Variants in DUSP28 observed in about 807,000 individuals in gnomAD.
DUSP28 encodes the protein dual specificity phosphatase 28.
A neutral mutation model predicts 8.4 loss-of-function variants in DUSP28; 11 were observed. The observed-to-expected ratio is 1.31, with a 90% confidence interval of 0.83 to 2.17. The LOEUF is 2.17. Ranked by LOEUF, DUSP28 falls within the 30% of genes most tolerant of loss-of-function variation. The probability of loss-of-function intolerance (pLI) is 0.00; values close to 1 mark genes in which losing one functional copy is unlikely to be tolerated. For synonymous variants in DUSP28, 178 were observed against 130.9 expected (o/e 1.36, Z -2.46); for missense variants, 373 against 270.4 (o/e 1.38, Z -2.66).
At position 240,560,789 on chromosome 2, in the gene DUSP28, C is replaced by A; in HGVS notation, c.105C>A (p.Gly35=). ...TCCTCGGGAGCGCGCGAGCCGCGGG[C>A]GCGGAGGAGCAGCTGGCGCGCGCGG... ...SLFLGSARAA[G]AEEQLARAGV... Residue 35 remains glycine (G), a synonymous_variant, in exon 1 of 2, where the codon GGC becomes GGA. Transcript: ENST00000405954. The A allele has an allele frequency of 6.9e-7, 1 of 1,454,394 alleles. No individual in the cohort carries two copies. The allele number at this position is 1,454,394 out of a possible 1,614,324, so 90.1% of individuals were successfully genotyped here.
chr2:240,560,465 C>G lies in DUSP28; in HGVS notation c.-220C>G. 1.5e-6 allele frequency: 1 copy of G among 657,630 alleles called. No individual in the cohort carries two copies. Among genetic ancestry groups the G allele is most frequent in the Middle Eastern group, 4.8e-4 (1 of 2,086 alleles). 40.7% of individuals were successfully genotyped at this position (657,630 alleles called of 1,614,324 possible). ...AAGGCCCCGGCGCCCTGGTGAGGCC[C>G]AAACCTCCCGCCATGCCCCGGCCCC... On this transcript the variant is annotated 5_prime_UTR_variant, in exon 1 of 2. Coordinates refer to ENST00000405954, the MANE Select transcript of DUSP28 (RefSeq NM_001370465.2).
At position 240,560,885 on chromosome 2, in the gene DUSP28, C is replaced by T. The variant is rs2092924524; in HGVS notation, c.201C>T (p.Arg67=). 1.3e-6 allele frequency: 2 copies of T among 1,508,672 alleles called. No individual in the cohort carries two copies. Among genetic ancestry groups the T allele is most frequent in the African/African-American group, 1.4e-5 (1 of 69,214 alleles). The allele number at this position is 1,508,672 out of a possible 1,614,324, so 93.5% of individuals were successfully genotyped here. The change falls in exon 1 of 2, where the codon CGC becomes CGT. Residue 67 remains arginine (R), a synonymous_variant. Coordinates refer to ENST00000405954, the MANE Select transcript of DUSP28 (RefSeq NM_001370465.2). ...GPRAPGVAEL[R]VPVFDDPAED... The stretch of plus-strand genomic sequence containing the variant: ...GCGCGCCCGGCGTGGCAGAGCTGCG[C>T]GTGCCCGTGTTCGACGACCCGGCTG...
At chr2:240,561,221 G>A in intron 1 of DUSP28, 109 bp from the exon 2 acceptor site, 1 of 1,579,150 alleles carries the variant, frequency 6.3e-7, no homozygotes, top group Non-Finnish European at 8.6e-7. Flanking sequence ...TAGGGAAGCA[G>A]AGAGGCACTT....
In DUSP28 at chr2:240,563,626, C is replaced by CT. The variant is rs1171500266; in HGVS notation, c.*2160dup. ...AAATGACGATCAGGTGCTTCACGGT[C>CT]TATTTTTCCAGATAGGCCTAACAGC... On this transcript the variant is annotated 3_prime_UTR_variant, in exon 2 of 2. Coordinates refer to ENST00000405954, the MANE Select transcript of DUSP28 (RefSeq NM_001370465.2). 6.5e-6 allele frequency: 1 copy of CT among 152,754 alleles called. No individual in the cohort carries two copies. Among genetic ancestry groups the CT allele is most frequent in the African/African-American group, 2.4e-5 (1 of 41,458 alleles). The allele number at this position is 152,754 out of a possible 1,614,324, so 9.5% of individuals were successfully genotyped here. A position where few individuals can be genotyped will look rare whatever the true frequency, so the allele number is the denominator to read the frequency against.
In DUSP28 at chr2:240,560,980, G is replaced by T. The variant is rs763623217; in HGVS notation, c.296G>T (p.Cys99Phe). Residue 99 changes from cysteine (C) to phenylalanine (F), a missense_variant, in exon 1 of 2, where the codon TGC becomes TTC. Physicochemically the swap from Cys to Phe is radical, Grantham distance 205. Coordinates refer to ENST00000405954, the MANE Select transcript of DUSP28 (RefSeq NM_001370465.2). ...MEAAVRAGGA[C>F]LVYCKNGRSR... Reference sequence around the variant, plus strand: ...GCCGCGGTGCGCGCCGGCGGCGCCTGCCTAGTCTACTGCAAGAACGGCCGC... The same window carrying T: ...GCCGCGGTGCGCGCCGGCGGCGCCTTCCTAGTCTACTGCAAGAACGGCCGC... The T allele has an allele frequency of 6.5e-7, 1 of 1,540,250 alleles. No individual in the cohort carries two copies. Among genetic ancestry groups the T allele is most frequent in the Non-Finnish European group, 8.6e-7 (1 of 1,156,106 alleles).
In DUSP28 at chr2:240,561,640, A is replaced by G. The variant is rs1473805649; in HGVS notation, c.*173A>G. ...AGGTGATGCACAAATTATCTTACAGACACAAAAAGAAATACATTTGGTAAA... is the reference window on the plus strand; with the variant it reads ...AGGTGATGCACAAATTATCTTACAGGCACAAAAAGAAATACATTTGGTAAA... On this transcript the variant is annotated 3_prime_UTR_variant, in exon 2 of 2. Coordinates refer to ENST00000405954, the MANE Select transcript of DUSP28 (RefSeq NM_001370465.2). 1.1e-6 allele frequency: 1 copy of G among 895,098 alleles called. No individual in the cohort carries two copies. The highest frequency in any genetic ancestry group is 1.7e-5 in the African/African-American group (1 of 58,646). The allele number at this position is 895,098 out of a possible 1,614,324, so 55.4% of individuals were successfully genotyped here. A position where few individuals can be genotyped will look rare whatever the true frequency, so the allele number is the denominator to read the frequency against.
At position 240,563,450 on chromosome 2, in the gene DUSP28, C is replaced by T. The variant is rs943907423; in HGVS notation, c.*1983C>T. Reference sequence around the variant, plus strand: ...ATCTCCTGACCTCATGATCCTCCCGCCTCGGCCTCCCAAAGCGCTGGGATT... The same window carrying T: ...ATCTCCTGACCTCATGATCCTCCCGTCTCGGCCTCCCAAAGCGCTGGGATT... On this transcript the variant is annotated 3_prime_UTR_variant, in exon 2 of 2. Coordinates refer to ENST00000405954, the MANE Select transcript of DUSP28 (RefSeq NM_001370465.2). 5.2e-5 allele frequency: 8 copies of T among 152,514 alleles called. No homozygotes were observed. Among genetic ancestry groups the T allele is most frequent in the Admixed American group, 2.6e-4 (4 of 15,310 alleles). 9.4% of individuals were successfully genotyped at this position (152,514 alleles called of 1,614,324 possible).
At position 240,560,851 on chromosome 2, in the gene DUSP28, C is replaced by T; in HGVS notation, c.167C>T (p.Pro56Leu). The change falls in exon 1 of 2, where the codon CCC becomes CTC. Residue 56 changes from proline (P) to leucine (L), a missense_variant. Transcript: ENST00000405954. ...TLCVNVSRQQPGPRAPGVAEL... is the reference protein window; with the variant it reads ...TLCVNVSRQQLGPRAPGVAEL... Reference sequence around the variant, plus strand: ...TGCGTCAACGTCTCCCGCCAGCAGCCCGGCCCGCGCGCGCCCGGCGTGGCA... The same window carrying T: ...TGCGTCAACGTCTCCCGCCAGCAGCTCGGCCCGCGCGCGCCCGGCGTGGCA... 7.2e-7 allele frequency: 1 copy of T among 1,391,762 alleles called. No individual in the cohort carries two copies. The highest frequency in any genetic ancestry group is 9.2e-7 in the Non-Finnish European group (1 of 1,083,152). The allele number at this position is 1,391,762 out of a possible 1,614,324, so 86.2% of individuals were successfully genotyped here.
chr2:240,560,518 C>G lies in DUSP28; in HGVS notation c.-167C>G, dbSNP rs932427117. ...CGAGACCCAAGCCCCCTGTCCCGGC[C>G]CAGCGCCCGCGGGGGACCCAAGCCC... On this transcript the variant is annotated 5_prime_UTR_variant, in exon 1 of 2. Transcript: ENST00000405954. 1 of 1,091,446 alleles carries G rather than the reference C, an allele frequency of 9.2e-7. No individual in the cohort carries two copies. Among genetic ancestry groups the G allele is most frequent in the African/African-American group, 1.6e-5 (1 of 60,620 alleles). 67.6% of individuals were successfully genotyped at this position (1,091,446 alleles called of 1,614,324 possible). A position where few individuals can be genotyped will look rare whatever the true frequency, so the allele number is the denominator to read the frequency against.
chr2:240,564,088 T>C lies in DUSP28; in HGVS notation c.*2621T>C, dbSNP rs1200513071. The C allele has an allele frequency of 6.6e-6, 1 of 152,400 alleles. No individual in the cohort carries two copies. The highest frequency in any genetic ancestry group is 1.5e-5 in the Non-Finnish European group (1 of 68,052). The allele number at this position is 152,400 out of a possible 1,614,324, so 9.4% of individuals were successfully genotyped here. A position where few individuals can be genotyped will look rare whatever the true frequency, so the allele number is the denominator to read the frequency against. On this transcript the variant is annotated 3_prime_UTR_variant, in exon 2 of 2. Coordinates refer to ENST00000405954, the MANE Select transcript of DUSP28 (RefSeq NM_001370465.2). Reference sequence around the variant, plus strand: ...CACACGCTGTACTTGGCTGTACATATAATTGCTGACTGTGGGTTGCAGAAA... The same window carrying C: ...CACACGCTGTACTTGGCTGTACATACAATTGCTGACTGTGGGTTGCAGAAA...
At position 240,564,041 on chromosome 2, in the gene DUSP28, C is replaced by G. The variant is rs945671342; in HGVS notation, c.*2574C>G. The G allele has an allele frequency of 1.3e-5, 2 of 152,326 alleles. No homozygotes were observed. Among genetic ancestry groups the G allele is most frequent in the African/African-American group, 4.8e-5 (2 of 41,436 alleles). The allele number at this position is 152,326 out of a possible 1,614,324, so 9.4% of individuals were successfully genotyped here. On this transcript the variant is annotated 3_prime_UTR_variant, in exon 2 of 2. Transcript: ENST00000405954. ...TGGCAGCTTTGGTAAACTGCAGATTCAAAAATCGAGGGAGAAATGAGCACA... is the reference window on the plus strand; with the variant it reads ...TGGCAGCTTTGGTAAACTGCAGATTGAAAAATCGAGGGAGAAATGAGCACA...
In DUSP28 at chr2:240,560,458, T is replaced by A. The variant is rs2092871514; in HGVS notation, c.-227T>A. 3 of 572,722 alleles carry A rather than the reference T, an allele frequency of 5.2e-6. No individual in the cohort carries two copies. Among genetic ancestry groups the A allele is most frequent in the Non-Finnish European group, 7.8e-6 (3 of 383,098 alleles). The allele number at this position is 572,722 out of a possible 1,614,324, so 35.5% of individuals were successfully genotyped here. A position where few individuals can be genotyped will look rare whatever the true frequency, so the allele number is the denominator to read the frequency against. ...GCGGTCCAAGGCCCCGGCGCCCTGG[T>A]GAGGCCCAAACCTCCCGCCATGCCC... On this transcript the variant is annotated 5_prime_UTR_variant, in exon 1 of 2. Transcript: ENST00000405954.
chr2:240,563,946 G>C lies in DUSP28; in HGVS notation c.*2479G>C, dbSNP rs994371181. ...TCATAAGAATAATCATCAAAGGCAA[G>C]AGGGTTGTATATTTTCCCGTTGGAG... is the stretch of plus-strand genomic sequence containing the variant. On this transcript the variant is annotated 3_prime_UTR_variant, in exon 2 of 2. Coordinates refer to ENST00000405954, the MANE Select transcript of DUSP28 (RefSeq NM_001370465.2). 1 of 152,486 alleles carries C rather than the reference G, an allele frequency of 6.6e-6. No homozygotes were observed. Among genetic ancestry groups the C allele is most frequent in the East Asian group, 1.9e-4 (1 of 5,330 alleles). The allele number at this position is 152,486 out of a possible 1,614,324, so 9.4% of individuals were successfully genotyped here. A position where few individuals can be genotyped will look rare whatever the true frequency, so the allele number is the denominator to read the frequency against.
chr2:240,560,911 A>G lies in DUSP28; in HGVS notation c.227A>G (p.Glu76Gly), dbSNP rs1413644704. 6 of 1,533,640 alleles carry G rather than the reference A, an allele frequency of 3.9e-6. No individual in the cohort carries two copies. Among genetic ancestry groups the G allele is most frequent in the Non-Finnish European group, 5.2e-6 (6 of 1,153,876 alleles). The change falls in exon 1 of 2, where the codon GAG becomes GGG. Residue 76 changes from glutamate to glycine, a missense_variant. By Grantham distance (98) the Glu-to-Gly change is moderately conservative. Transcript: ENST00000405954. ...GTGCCCGTGTTCGACGACCCGGCTG[A>G]GGACCTGCTGGCGCACCTGGAGCCC... ...LRVPVFDDPAEDLLAHLEPTC... is the reference protein window; with the variant it reads ...LRVPVFDDPAGDLLAHLEPTC...
In DUSP28 at chr2:240,560,815, G is replaced by A. The variant is rs542332202; in HGVS notation, c.131G>A (p.Gly44Glu). The A allele has an allele frequency of 7.0e-7, 1 of 1,436,110 alleles. No homozygotes were observed. The highest frequency in any genetic ancestry group is 1.5e-5 in the African/African-American group (1 of 67,392). The allele number at this position is 1,436,110 out of a possible 1,614,324, so 89.0% of individuals were successfully genotyped here. ...AGAEEQLARA[G>E]VTLCVNVSRQ... Reference sequence around the variant, plus strand: ...GCGGAGGAGCAGCTGGCGCGCGCGGGAGTCACGCTGTGCGTCAACGTCTCC... The same window carrying A: ...GCGGAGGAGCAGCTGGCGCGCGCGGAAGTCACGCTGTGCGTCAACGTCTCC... The change falls in exon 1 of 2, where the codon GGA becomes GAA. Residue 44 changes from glycine (G) to glutamate (E), a missense_variant. Gly to Glu is a moderately conservative substitution (Grantham distance 98). Transcript: ENST00000405954.
At chr2:240,561,184 G>A in intron 1 of DUSP28, 107 bp downstream of exon 1, 2 of 1,494,712 alleles carry the variant, frequency 1.3e-6, no homozygotes, top group Non-Finnish European at 1.8e-6. Flanking sequence ...TTCCGGGAGG[G>A]GCGGGTCTCT....
At chr2:240,561,224 A>C in intron 1 of DUSP28, 106 bp from the exon 2 acceptor site, 1 of 1,579,906 alleles carries the variant, frequency 6.3e-7, no homozygotes, top group African/African-American at 1.4e-5. Flanking sequence ...GGAAGCAGAG[A>C]GGCACTTCCG....
rs977795360 is a variant in DUSP28 at position 240,560,774 on chromosome 2, C to G, written c.90C>G (p.Ser30Arg). 3 of 1,455,578 alleles carry G rather than the reference C, an allele frequency of 2.1e-6. No homozygotes were observed. The African/African-American group carries it at 4.4e-5, about 22-fold the overall frequency. The allele number at this position is 1,455,578 out of a possible 1,614,324, so 90.2% of individuals were successfully genotyped here. The change falls in exon 1 of 2, where the codon AGC becomes AGG. Residue 30 changes from serine (S) to arginine (R), a missense_variant. Ser to Arg is a moderately radical substitution (Grantham distance 110). Coordinates refer to ENST00000405954, the MANE Select transcript of DUSP28 (RefSeq NM_001370465.2). ...TCGCGCCCTCACTCTTCCTCGGGAG[C>G]GCGCGAGCCGCGGGCGCGGAGGAGC... ...VRVAPSLFLG[S>R]ARAAGAEEQL...
Position 240,562,176 on chromosome 2 carries a change from C to G in DUSP28, c.*709C>G, listed in dbSNP as rs534646324. 2.0e-5 allele frequency: 3 copies of G among 152,350 alleles called. No homozygotes were observed. Among genetic ancestry groups the G allele is most frequent in the African/African-American group, 7.2e-5 (3 of 41,546 alleles). The allele number at this position is 152,350 out of a possible 1,614,324, so 9.4% of individuals were successfully genotyped here. ...CCCGGCTCACTGCAACCTCCGCCTC[C>G]CTGGTTCAAGTGATTCTCCTGCCTC... On this transcript the variant is annotated 3_prime_UTR_variant, in exon 2 of 2. Coordinates refer to ENST00000405954, the MANE Select transcript of DUSP28 (RefSeq NM_001370465.2).
Sources: gnomAD v4.1 joint callset for allele counts on GRCh38, gnomAD v4.1.1 for gene constraint, MANE v1.5 for transcripts, NCBI Gene and HGNC (gene_info 2026-07-23, HGNC 2026-07-21) for gene names.